C17orf50: variants seen among roughly 807,000 people sequenced by gnomAD.
C17orf50 encodes plakoglobin binding and degradation factor.
A neutral mutation model predicts 17.7 loss-of-function variants in C17orf50; 16 were observed. That is an observed-to-expected ratio of 0.90 (90% CI 0.61 to 1.37). The LOEUF is 1.37. Ranked by LOEUF, C17orf50 falls within the 40% of genes most tolerant of loss-of-function variation. C17orf50 has a pLI of 0.00. For missense variants in C17orf50, 271 were observed against 240.7 expected (o/e 1.13, Z -0.83); for synonymous variants, 125 against 111.0 (o/e 1.13, Z -0.80).
Position 35,764,567 on chromosome 17 carries a change from C to A in C17orf50, c.474C>A (p.Cys158Ter). ...GCCACCCAGCCTATGTGGCGCACTG[C>A]GTTCTGGATCACCCGGATCTGGGTA... Reference protein sequence around the residue: ...LHSHPAYVAHCVLDHPDLGKA... With the variant: ...LHSHPAYVAH Residue 158 changes from cysteine (C) to a stop codon, truncating the protein, a stop_gained, in exon 3 of 3, where the codon TGC becomes TGA. Transcript: ENST00000605587. LOFTEE classifies it high-confidence loss of function. The A allele has an allele frequency of 6.3e-7, 1 of 1,595,492 alleles. No homozygotes were observed. The highest frequency in any genetic ancestry group is 8.5e-7 in the Non-Finnish European group (1 of 1,173,726).
In C17orf50 at chr17:35,764,536, T is replaced by C. The variant is rs1555602394; in HGVS notation, c.443T>C (p.Leu148Pro). ...ELLFCKKCRS[L>P]HSHPAYVAHC... is the part of the protein sequence containing the mutation. Reference sequence around the variant, plus strand: ...CTCTTCTGCAAGAAATGCAGGAGTCTGCACAGCCACCCAGCCTATGTGGCG... The same window carrying C: ...CTCTTCTGCAAGAAATGCAGGAGTCCGCACAGCCACCCAGCCTATGTGGCG... Residue 148 changes from leucine to proline, a missense_variant, in exon 3 of 3, where the codon CTG becomes CCG. Transcript: ENST00000605587. The C allele has an allele frequency of 6.3e-7, 1 of 1,598,010 alleles. No individual in the cohort carries two copies. Among genetic ancestry groups the C allele is most frequent in the Non-Finnish European group, 8.5e-7 (1 of 1,174,868 alleles).
Position 35,764,803 on chromosome 17 carries a change from A to C in C17orf50, c.*185A>C. 1.6e-6 allele frequency: 1 copy of C among 619,216 alleles called. No homozygotes were observed. The allele number at this position is 619,216 out of a possible 1,614,324, so 38.4% of individuals were successfully genotyped here. Reference sequence around the variant, plus strand: ...TGTTGGTGCTTGGTTCCCATCTGTCACCTAGCGCCCCCAGTGCAGAGCCCA... The same window carrying C: ...TGTTGGTGCTTGGTTCCCATCTGTCCCCTAGCGCCCCCAGTGCAGAGCCCA... On this transcript the variant is annotated 3_prime_UTR_variant, in exon 3 of 3. Coordinates refer to ENST00000605587, the MANE Select transcript of C17orf50 (RefSeq NM_145272.4).
chr17:35,762,210 G>A (rs901394306), intron 1 of C17orf50, among the ~76,000 whole-genome samples: 1 of 151,942 alleles, frequency 6.6e-6, no homozygotes, highest in Non-Finnish European at 1.5e-5. Flanking sequence ...GGCTGGTCTC[G>A]AACTCCCGAC....
chr17:35,761,431 T>G (rs1318762244), intron 1 of C17orf50, among the ~76,000 whole-genome samples: 2 of 151,276 alleles, frequency 1.3e-5, no homozygotes, highest in Non-Finnish European at 2.9e-5. Context: ...TTTTTTTTTT[T>G]TAGAAACAGT....
rs1459243776 is a variant in C17orf50 at position 35,760,940 on chromosome 17, G to GAATGGAT, written c.2_8dup. ...GGAAAGCAGGGCACAGCCTTGGGAA[G>GAATGGAT]AATGGATAAGCATGGTGAGTGGGGC... On this transcript the variant is annotated 5_prime_UTR_variant, in exon 1 of 3. In the 5' UTR this introduces an upstream ATG that the reference lacks. Transcript: ENST00000605587. The GAATGGAT allele has an allele frequency of 6.2e-7, 1 of 1,613,618 alleles. No homozygotes were observed. Among genetic ancestry groups the GAATGGAT allele is most frequent in the Non-Finnish European group, 8.5e-7 (1 of 1,179,958 alleles).
chr17:35,764,108 A>G lies in C17orf50; in HGVS notation c.115A>G (p.Asn39Asp). 1 of 1,550,290 alleles carries G rather than the reference A, an allele frequency of 6.5e-7. No homozygotes were observed. The highest frequency in any genetic ancestry group is 1.4e-5 in the African/African-American group (1 of 73,160). ...GGGGTCGGAGGACGAGGACGAGGAC[A>G]ACCAGAGGCCGCTGGAGGACAGCGC... ...KEGSEDEDED[N>D]QRPLEDSATE... Residue 39 changes from asparagine (N) to aspartate (D), a missense_variant, in exon 2 of 3, where the codon AAC (asparagine) becomes GAC (aspartate). Transcript: ENST00000605587.
At chr17:35,763,670 G>A (rs1456640757) in intron 1 of C17orf50, among the ~76,000 whole-genome samples, 1 of 151,772 alleles carries the variant, frequency 6.6e-6, no homozygotes, top group East Asian at 1.9e-4. Context: ...GCCGAAAAGG[G>A]CAAATCACCT....
chr17:35,761,612 C>T (rs1555601526), intron 1 of C17orf50, among the ~76,000 whole-genome samples: 1 of 152,134 alleles, frequency 6.6e-6, no homozygotes, highest in African/African-American at 2.4e-5. Context: ...TCATCATCTC[C>T]ACCTGCTCCT....
chr17:35,763,964 C>G, intron 1 of C17orf50, 43 bp from the exon 2 acceptor site: 1 of 1,391,542 alleles, frequency 7.2e-7, no homozygotes, highest in Non-Finnish European at 9.4e-7. Context: ...TGGACCCTTT[C>G]TCGGGGACAG....
chr17:35,764,033 G>A lies in C17orf50; in HGVS notation c.40G>A (p.Glu14Lys). The A allele has an allele frequency of 2.6e-6, 4 of 1,546,962 alleles. No individual in the cohort carries two copies. In the South Asian group the frequency reaches 3.6e-5, roughly 14 times the overall value. ...HGVKTPLWKK[E>K]TEELRAEDAE... is the part of the protein sequence containing the mutation. ...TGTGAAGACCCCCTTGTGGAAGAAGGAAACGGAAGAGCTCCGGGCCGAGGA... is the reference window on the plus strand; with the variant it reads ...TGTGAAGACCCCCTTGTGGAAGAAGAAAACGGAAGAGCTCCGGGCCGAGGA... The change falls in exon 2 of 3, where the codon GAA (glutamate) becomes AAA (lysine). Residue 14 changes from glutamate to lysine, a missense_variant. By Grantham distance (56) the Glu-to-Lys change is moderately conservative. Transcript: ENST00000605587.
chr17:35,763,812 G>A lies in C17orf50; in HGVS notation c.14-195G>A, dbSNP rs981671107. 3.9e-5 allele frequency among the ~76,000 whole-genome samples: 6 copies of A among 152,008 alleles called. No individual in the cohort carries two copies. The East Asian group carries it at 1.2e-3, about 29-fold the overall frequency. ...CTTGGGAGGCTGAGGCAAAAGAATC[G>A]CTTGAGCCCGTGAGGCGGAGGTTGC... is the stretch of plus-strand genomic sequence containing the variant. On this transcript the variant is annotated intron_variant, in intron 1 of 2. Coordinates refer to ENST00000605587, the MANE Select transcript of C17orf50 (RefSeq NM_145272.4).
In C17orf50 at chr17:35,764,292, C is replaced by A. The variant is rs1478916624; in HGVS notation, c.299C>A (p.Ala100Glu). The A allele has an allele frequency of 3.3e-6, 5 of 1,513,998 alleles. No individual in the cohort carries two copies. The highest frequency in any genetic ancestry group is 4.4e-6 in the Non-Finnish European group (5 of 1,133,772). The allele number at this position is 1,513,998 out of a possible 1,614,324, so 93.8% of individuals were successfully genotyped here. ...TTCTGGGGCTGGCTCGGCCCCTTAG[C>A]GCTGCTGGGCGGCCTAACAGCTCCC... ...SGFWGWLGPL[A>E]LLGGLTAPTD... Residue 100 changes from alanine to glutamate, a missense_variant, in exon 2 of 3, where the codon GCG (alanine) becomes GAG (glutamate). Transcript: ENST00000605587.
rs1217759930 is a variant in C17orf50, at chr17:35,764,483, C to T, written c.390C>T (p.Arg130=). 3 of 1,572,004 alleles carry T rather than the reference C, an allele frequency of 1.9e-6. No homozygotes were observed. In the African/African-American group the frequency reaches 4.1e-5, roughly 22 times the overall value. The part of the protein sequence containing the change: ...CVLEIRRRPP[R]RGGCACCELL... Reference sequence around the variant, plus strand: ...TGGAGATCCGGCGACGACCGCCGCGCCGCGGGGGCTGTGCTTGCTGCGAGC... The same window carrying T: ...TGGAGATCCGGCGACGACCGCCGCGTCGCGGGGGCTGTGCTTGCTGCGAGC... The change falls in exon 3 of 3, where the codon CGC becomes CGT. Residue 130 remains arginine (R), a synonymous_variant. Transcript: ENST00000605587.
In C17orf50 at chr17:35,764,531, G is replaced by C. The variant is rs781829396; in HGVS notation, c.438G>C (p.Arg146Ser). Residue 146 changes from arginine (R) to serine (S), a missense_variant, in exon 3 of 3, where the codon AGG (arginine) becomes AGC (serine). By Grantham distance (110) the Arg-to-Ser change is moderately radical (BLOSUM62 -1). Transcript: ENST00000605587. ...CCELLFCKKC[R>S]SLHSHPAYVA... is the part of the protein sequence containing the mutation. ...AGCTCCTCTTCTGCAAGAAATGCAG[G>C]AGTCTGCACAGCCACCCAGCCTATG... 6.3e-7 allele frequency: 1 copy of C among 1,599,864 alleles called. No homozygotes were observed. The highest frequency in any genetic ancestry group is 8.5e-7 in the Non-Finnish European group (1 of 1,175,754).
At chr17:35,763,768 G>T (rs1555601980) in intron 1 of C17orf50, among the ~76,000 whole-genome samples, 1 of 151,822 alleles carries the variant, frequency 6.6e-6, no homozygotes, top group African/African-American at 2.4e-5. Context: ...GCAGCGGGGC[G>T]TGCCTGTAGT....
Position 35,764,525 on chromosome 17 carries a change from A to G in C17orf50, c.432A>G (p.Lys144=). 6.2e-7 allele frequency: 1 copy of G among 1,600,002 alleles called. No homozygotes were observed. The highest frequency in any genetic ancestry group is 1.1e-5 in the South Asian group (1 of 89,328). Residue 144 remains lysine, a synonymous_variant, in exon 3 of 3, where the codon AAA becomes AAG. Coordinates refer to ENST00000605587, the MANE Select transcript of C17orf50 (RefSeq NM_145272.4). ...GCTGCGAGCTCCTCTTCTGCAAGAA[A>G]TGCAGGAGTCTGCACAGCCACCCAG... ...CACCELLFCK[K]CRSLHSHPAY...
chr17:35,762,846 C>T (rs2085848054), intron 1 of C17orf50, among the ~76,000 whole-genome samples: 1 of 152,010 alleles, frequency 6.6e-6, no homozygotes, highest in Non-Finnish European at 1.5e-5. Context: ...GGATCAGTGG[C>T]CAGGCGCGGT....
In C17orf50 at chr17:35,764,007, G is replaced by T. The variant is rs1555602060; in HGVS notation, c.14G>T (p.Gly5Val). The T allele has an allele frequency of 2.6e-6, 4 of 1,538,118 alleles. No individual in the cohort carries two copies. Among genetic ancestry groups the T allele is most frequent in the Non-Finnish European group, 3.5e-6 (4 of 1,138,686 alleles). Residue 5 changes from glycine to valine, a missense_variant and splice_region_variant, in exon 2 of 3, where the codon GGT (glycine) becomes GTT (valine). By Grantham distance (109) the Gly-to-Val change is moderately radical. Transcript: ENST00000605587. ...GCCCTGACCTCCTCCCGGCCCGCAGGTGTGAAGACCCCCTTGTGGAAGAAG... is the reference window on the plus strand; with the variant it reads ...GCCCTGACCTCCTCCCGGCCCGCAGTTGTGAAGACCCCCTTGTGGAAGAAG... MDKHGVKTPLWKKET... is the reference protein window; with the variant it reads MDKHVVKTPLWKKET...
In C17orf50 at chr17:35,764,626, C is replaced by T. The variant is rs1198832838; in HGVS notation, c.*8C>T. On this transcript the variant is annotated 3_prime_UTR_variant, in exon 3 of 3. Coordinates refer to ENST00000605587, the MANE Select transcript of C17orf50 (RefSeq NM_145272.4). ...GCCGCTGGGAACTCCTGAGCGCCCCCGCTCCCAGCCTTTGTGCCCTCCATC... is the reference window on the plus strand; with the variant it reads ...GCCGCTGGGAACTCCTGAGCGCCCCTGCTCCCAGCCTTTGTGCCCTCCATC... 5 of 1,566,476 alleles carry T rather than the reference C, an allele frequency of 3.2e-6. No individual in the cohort carries two copies. The highest frequency in any genetic ancestry group is 1.2e-5 in the South Asian group (1 of 84,816).
Sources: allele counts gnomAD v4.1 joint callset (sites outside exome capture counted in the v4.1 genomes callset), GRCh38; gene constraint gnomAD v4.1.1; transcripts MANE v1.5; gene names NCBI Gene and HGNC (gene_info 2026-07-23, HGNC 2026-07-21).